Variants in ZNF804B observed in about 807,000 individuals in gnomAD.
The protein encoded by ZNF804B is zinc finger protein 804B.
In ZNF804B, 80 loss-of-function variants were observed where a neutral mutation model predicts 101.4. The observed-to-expected ratio is 0.79, with a 90% CI of 0.66 to 0.95. ZNF804B has a LOEUF of 0.95. Ranked by LOEUF, ZNF804B falls within the 40% of genes least tolerant of loss-of-function variation. ZNF804B has a pLI of 0.00. For synonymous variants in ZNF804B, 622 were observed against 558.8 expected (o/e 1.11, Z -1.59); for missense variants, 1,673 against 1,561.9 (o/e 1.07, Z -1.20).
At chr7:88,896,773 A>T (rs1792291067) in intron 1 of ZNF804B, among the ~76,000 whole-genome samples, 1 of 152,206 alleles carries the variant, frequency 6.6e-6, no homozygotes, top group Non-Finnish European at 1.5e-5. Context: ...CATTGCAATT[A>T]TGTGTTATGC....
At chr7:88,984,558 A>C (rs1793733950) in intron 1 of ZNF804B, among the ~76,000 whole-genome samples, 1 of 151,942 alleles carries the variant, frequency 6.6e-6, no homozygotes, top group South Asian at 2.1e-4. Flanking sequence ...TTTGTGCCAG[A>C]CTTCTGAATA....
At chr7:88,900,372 G>A (rs989550968) in intron 1 of ZNF804B, among the ~76,000 whole-genome samples, 1 of 151,590 alleles carries the variant, frequency 6.6e-6, no homozygotes, top group Non-Finnish European at 1.5e-5. Context: ...ATTCCTATTA[G>A]ATTTTACTTG....
intron 1 of ZNF804B, among the ~76,000 whole-genome samples, chr7:89,064,513 A>G (rs1789425445): frequency 6.6e-6 from 1 of 152,182 alleles, no homozygotes; most frequent in African/African-American, 2.4e-5. Context: ...TGTGGTTTAG[A>G]TTAGAGCTCA....
At chr7:89,279,853 G>C (rs1284218087) in intron 2 of ZNF804B, among the ~76,000 whole-genome samples, 1 of 152,044 alleles carries the variant, frequency 6.6e-6, no homozygotes, top group Non-Finnish European at 1.5e-5. Context: ...GTATCAGGGT[G>C]ATGCGGGCCT....
intron 1 of ZNF804B, among the ~76,000 whole-genome samples, chr7:88,916,763 T>C: frequency 6.6e-6 from 1 of 152,188 alleles, no homozygotes; most frequent in East Asian, 1.9e-4. Flanking sequence ...ATACTGTATA[T>C]TTTCAAAGAC....
chr7:89,085,923 G>A (rs1053195231), intron 1 of ZNF804B, among the ~76,000 whole-genome samples: 3 of 151,790 alleles, frequency 2.0e-5, no homozygotes, highest in Non-Finnish European at 2.9e-5. Context: ...AGATTCTTCC[G>A]GGATTTTTAA....
intron 2 of ZNF804B, among the ~76,000 whole-genome samples, chr7:89,317,723 T>C (rs1234276655): frequency 6.6e-6 from 1 of 152,204 alleles, no homozygotes; most frequent in African/African-American, 2.4e-5. Context: ...TGCATAAGTC[T>C]CATCCAGTCT....
intron 2 of ZNF804B, among the ~76,000 whole-genome samples, chr7:89,265,302 G>GCGCGCGCGCGCA (rs1263124280): frequency 9.5e-5 from 8 of 84,252 alleles, no homozygotes; most frequent in Admixed American, 6.2e-4. Context: ...GTGCGCGTGC[G>GCGCGCGCGCGCA]CGCGCGCACA....
chr7:88,990,965 C>T (rs1221076110), intron 1 of ZNF804B, among the ~76,000 whole-genome samples: 1 of 151,952 alleles, frequency 6.6e-6, no homozygotes, highest in African/African-American at 2.4e-5. Context: ...AATGATCAAA[C>T]CCAAATAATA....
At chr7:89,130,726 C>T (rs1363126740) in intron 1 of ZNF804B, among the ~76,000 whole-genome samples, 1 of 151,928 alleles carries the variant, frequency 6.6e-6, no homozygotes, top group Admixed American at 6.6e-5. Context: ...GAATTTGATT[C>T]CTTCTTTTCA....
intron 1 of ZNF804B, among the ~76,000 whole-genome samples, chr7:89,204,889 C>CA (rs1206315487): frequency 3.9e-5 from 6 of 152,112 alleles, no homozygotes; most frequent in Non-Finnish European, 8.8e-5. Flanking sequence ...TATTATTTGG[C>CA]ATTGTGTGGT....
chr7:89,049,699 C>T (rs1789165147), intron 1 of ZNF804B, among the ~76,000 whole-genome samples: 1 of 152,050 alleles, frequency 6.6e-6, no homozygotes. Flanking sequence ...GGTATAACTT[C>T]CTTTGAACAG....
intron 1 of ZNF804B, among the ~76,000 whole-genome samples, chr7:89,047,188 G>A (rs957278938): frequency 2.0e-5 from 3 of 152,090 alleles, no homozygotes; most frequent in East Asian, 1.9e-4. Context: ...AGCAAACATC[G>A]TCATTGTAGT....
Position 89,337,129 on chromosome 7 carries a change from A to G in ZNF804B, c.*97A>G, listed in dbSNP as rs1256562536. The G allele has an allele frequency of 3.4e-6, 4 of 1,176,648 alleles. No homozygotes were observed. In the East Asian group the frequency reaches 1.0e-4, roughly 30 times the overall value. 72.9% of individuals were successfully genotyped at this position (1,176,648 alleles called of 1,614,324 possible). A position where few individuals can be genotyped will look rare whatever the true frequency, so the allele number is the denominator to read the frequency against. On this transcript the variant is annotated 3_prime_UTR_variant, in exon 4 of 4. Transcript: ENST00000333190. The stretch of plus-strand genomic sequence containing the variant: ...GTCTGTCAATTATAAGATTTAAAAT[A>G]TTGCTGCCAATTCAAAATGTGACAA...
At chr7:89,007,609 TTA>T (rs1788390175) in intron 1 of ZNF804B, among the ~76,000 whole-genome samples, 1 of 140,648 alleles carries the variant, frequency 7.1e-6, no homozygotes, top group Non-Finnish European at 1.5e-5. Context: ...TTATATATGA[TTA>T]TATATATTTA....
intron 1 of ZNF804B, among the ~76,000 whole-genome samples, chr7:88,873,442 T>C (rs1286337911): frequency 1.4e-4 from 22 of 152,202 alleles, no homozygotes; most frequent in Non-Finnish European, 4.4e-5. Context: ...TGATGGTAGT[T>C]TCTTTTGCTG....
At chr7:88,850,498 G>C (rs1165422119) in intron 1 of ZNF804B, among the ~76,000 whole-genome samples, 1 of 152,006 alleles carries the variant, frequency 6.6e-6, no homozygotes, top group Non-Finnish European at 1.5e-5. Flanking sequence ...AAGGATTAGC[G>C]GAAACATCTG....
intron 1 of ZNF804B, among the ~76,000 whole-genome samples, chr7:88,978,544 C>T (rs1176741902): frequency 6.6e-6 from 1 of 151,446 alleles, no homozygotes; most frequent in Non-Finnish European, 1.5e-5. Flanking sequence ...TTTTTGGTTT[C>T]CATTGCCATG....
chr7:88,788,957 T>C (rs1484298526), intron 1 of ZNF804B, among the ~76,000 whole-genome samples: 1 of 152,164 alleles, frequency 6.6e-6, no homozygotes, highest in Non-Finnish European at 1.5e-5. Flanking sequence ...TTCTTTTTCA[T>C]TTGAAATTTA....
Sources: gnomAD v4.1 joint callset for allele counts (sites outside exome capture counted in the v4.1 genomes callset) on GRCh38, gnomAD v4.1.1 for gene constraint, MANE v1.5 for transcripts, NCBI Gene and HGNC (gene_info 2026-07-23, HGNC 2026-07-21) for gene names.